Variants in DGKB observed in about 807,000 individuals in gnomAD.
DGKB encodes the protein 90 kDa diacylglycerol kinase.
DGKB carries 67 observed loss-of-function variants against 114.3 expected under a neutral mutation model. That is an observed-to-expected ratio of 0.59 (90% CI 0.48 to 0.72). DGKB has a LOEUF of 0.72. Among genes scored for constraint, DGKB ranks in the 30% least tolerant of loss-of-function variants. DGKB has a pLI of 0.00. For synonymous variants in DGKB, 398 were observed against 323.1 expected (o/e 1.23, Z -2.49); for missense variants, 907 against 975.2 (o/e 0.93, Z 0.93).
intron 21 of DGKB, among the ~76,000 whole-genome samples, chr7:14,424,980 C>A (rs17777395): frequency 0.14 from 21,990 of 152,056 alleles, 1,971 homozygotes; most frequent in South Asian, 0.24. Flanking sequence ...TTACTCAAGT[C>A]TCACATAAAT....
chr7:14,371,476 G>A (rs937421764), intron 21 of DGKB, among the ~76,000 whole-genome samples: 2 of 152,102 alleles, frequency 1.3e-5, no homozygotes, highest in East Asian at 3.9e-4. Flanking sequence ...TTTCTTTTGA[G>A]AAGTGTTTGT....
chr7:14,637,368 C>T (rs1002478626), intron 13 of DGKB, among the ~76,000 whole-genome samples: 5 of 151,806 alleles, frequency 3.3e-5, no homozygotes, highest in African/African-American at 1.2e-4. Flanking sequence ...TATAAGTAGA[C>T]ATGCACCACT....
At chr7:14,780,361 T>C (rs2128487154) in intron 2 of DGKB, among the ~76,000 whole-genome samples, 1 of 152,312 alleles carries the variant, frequency 6.6e-6, no homozygotes, top group Admixed American at 6.5e-5. Context: ...AAAAACACAT[T>C]TCCGTATTTT....
chr7:14,315,394 C>T (rs767967135), intron 23 of DGKB, among the ~76,000 whole-genome samples: 14,346 of 148,148 alleles, frequency 0.097, 697 homozygotes, highest in African/African-American at 0.13. Context: ...ACCCATCTCA[C>T]GTGCAGAGAC....
intron 21 of DGKB, among the ~76,000 whole-genome samples, chr7:14,466,316 T>C (rs1009734692): frequency 6.6e-6 from 1 of 152,142 alleles, no homozygotes; most frequent in African/African-American, 2.4e-5. Context: ...CCCAGCACTT[T>C]GGGAGGCCAA....
intron 17 of DGKB, among the ~76,000 whole-genome samples, chr7:14,584,899 A>T (rs1800509836): frequency 6.6e-6 from 1 of 152,032 alleles, no homozygotes; most frequent in Non-Finnish European, 1.5e-5. Flanking sequence ...ACCTCAGGTG[A>T]TCCATTCTCC....
At chr7:14,434,432 T>TAG (rs1828938542) in intron 21 of DGKB, among the ~76,000 whole-genome samples, 2 of 151,942 alleles carry the variant, frequency 1.3e-5, no homozygotes, top group Admixed American at 6.6e-5. Flanking sequence ...AGAAGAGAAT[T>TAG]AGAGAGAGAG....
intron 21 of DGKB, among the ~76,000 whole-genome samples, chr7:14,474,054 T>C (rs1255358924): frequency 6.6e-6 from 1 of 152,090 alleles, no homozygotes; most frequent in Non-Finnish European, 1.5e-5. Flanking sequence ...GAAGGCATGA[T>C]TGGTTTTGAA....
Position 14,865,048 on chromosome 7 carries a change from A to C in DGKB, c.-187-23598T>G, listed in dbSNP as rs146886332. On this transcript the variant is annotated intron_variant, in intron 1 of 25. Transcript: ENST00000402815. ...AGCAGAGATGAGGGATGAAGAGGAA[A>C]AGGCAATTCCAGAGTTAAAATTGTA... Among the ~76,000 whole-genome samples, 65 of 151,682 alleles carry C rather than the reference A, an allele frequency of 4.3e-4. 1 individual carries two copies. The East Asian group carries it at 7.8e-3, about 18-fold the overall frequency.
chr7:14,776,168 A>G (rs952373610), intron 2 of DGKB, among the ~76,000 whole-genome samples: 6 of 152,198 alleles, frequency 3.9e-5, no homozygotes, highest in African/African-American at 1.4e-4. Context: ...CTTGAGAGAA[A>G]TGATTTAATG....
At chr7:14,318,336 A>T (rs972616862) in intron 23 of DGKB, among the ~76,000 whole-genome samples, 5 of 151,770 alleles carry the variant, frequency 3.3e-5, no homozygotes, top group Non-Finnish European at 5.9e-5. Context: ...AACTACCATC[A>T]GAGTGAACAG....
At chr7:14,590,151 A>G (rs907426385) in intron 17 of DGKB, among the ~76,000 whole-genome samples, 3 of 83,100 alleles carry the variant, frequency 3.6e-5, no homozygotes, top group Non-Finnish European at 7.6e-5. Flanking sequence ...CCTAAAACTT[A>G]AAGTATAATA....
intron 21 of DGKB, among the ~76,000 whole-genome samples, chr7:14,468,778 C>A (rs938637310): frequency 1.3e-5 from 2 of 151,870 alleles, no homozygotes; most frequent in African/African-American, 4.8e-5. Context: ...TTCTTGTAAT[C>A]TTGTGGACAT....
chr7:14,860,916 T>G (rs186820909), intron 1 of DGKB, among the ~76,000 whole-genome samples: 122 of 152,068 alleles, frequency 8.0e-4, no homozygotes, highest in Non-Finnish European at 1.3e-3. Flanking sequence ...GATAATAGAT[T>G]TTTCTGAGAA....
At chr7:14,892,019 G>A (rs1781316327) in intron 1 of DGKB, among the ~76,000 whole-genome samples, 1 of 151,308 alleles carries the variant, frequency 6.6e-6, no homozygotes, top group Non-Finnish European at 1.5e-5. Context: ...AAGGAAAAGA[G>A]TAATACAGGA....
At chr7:14,228,337 C>T (rs886689385) in intron 23 of DGKB, among the ~76,000 whole-genome samples, 1 of 151,950 alleles carries the variant, frequency 6.6e-6, no homozygotes, top group Admixed American at 6.6e-5. Context: ...CATAGGCCAC[C>T]TCCCACTGCA....
At chr7:14,968,317 G>T (rs375153123) in intron 1 of DGKB, among the ~76,000 whole-genome samples, 60 of 152,076 alleles carry the variant, frequency 3.9e-4, no homozygotes, top group African/African-American at 1.4e-3. Flanking sequence ...TTGATCTATT[G>T]TGTTTGTGTA....
chr7:14,967,027 C>A (rs1444045310), intron 1 of DGKB, among the ~76,000 whole-genome samples: 1 of 152,122 alleles, frequency 6.6e-6, no homozygotes, highest in Non-Finnish European at 1.5e-5. Flanking sequence ...CAAACCTTTG[C>A]AATAAGCCAG....
chr7:14,890,210 C>A (rs1042542353), intron 1 of DGKB, among the ~76,000 whole-genome samples: 59 of 151,466 alleles, frequency 3.9e-4, no homozygotes, highest in African/African-American at 1.3e-3. Flanking sequence ...TCACAGCTAA[C>A]CCTATTTATA....
Sources: allele counts gnomAD v4.1 joint callset (sites outside exome capture counted in the v4.1 genomes callset), GRCh38; gene constraint gnomAD v4.1.1; transcripts MANE v1.5; gene names NCBI Gene and HGNC (gene_info 2026-07-23, HGNC 2026-07-21).